The following MRPS18B variants were observed in gnomAD, a reference collection of about 807,000 sequenced individuals.
MRPS18B encodes the protein mitochondrial ribosomal protein S18B.
A neutral mutation model predicts 28.4 loss-of-function variants in MRPS18B; 27 were observed. That is an observed-to-expected ratio of 0.95 (90% CI 0.70 to 1.31). The LOEUF is 1.31. MRPS18B is among the 40% of genes most tolerant of loss of function. MRPS18B has a pLI of 0.00. For missense variants in MRPS18B, 343 were observed against 335.9 expected, an observed-to-expected ratio of 1.02 and a Z score of -0.17; for synonymous variants, 118 against 123.7, an observed-to-expected ratio of 0.95 and a Z score of 0.30.
At chr6:30,619,632 A>T in intron 2 of MRPS18B, 31 bp downstream of exon 2, 1 of 1,609,326 alleles carries the variant, frequency 6.2e-7, no homozygotes, top group Non-Finnish European at 8.5e-7. Context: ...GGAGGGTCAG[A>T]TAGGATTTGA....
chr6:30,620,004 T>G lies in MRPS18B; in HGVS notation c.354+15T>G, dbSNP rs200000769. The G allele has an allele frequency of 1.7e-5, 27 of 1,612,410 alleles. No homozygotes were observed. The highest frequency in any genetic ancestry group is 3.3e-4 in the Middle Eastern group (2 of 6,056). On this transcript the variant is annotated intron_variant, in intron 4 of 6. Coordinates refer to ENST00000259873, the MANE Select transcript of MRPS18B (RefSeq NM_014046.4). ...TTGACTTTAGGGTAAGGAGAGTCTT[T>G]TCTTTTTAGGGTAAGAAAAATAAAG...
rs1761041698 is a variant in MRPS18B at position 30,619,926 on chromosome 6, G to T, written c.291G>T (p.Arg97=). ...PQRTRKTCIR[R]NKVVGNPCPI... ...TGTTTTTTTTCTCTCTACAGCGTCG[G>T]AATAAAGTTGTTGGGAATCCCTGCC... Residue 97 remains arginine, a synonymous_variant, in exon 4 of 7, where the codon CGG becomes CGT. Coordinates refer to ENST00000259873, the MANE Select transcript of MRPS18B (RefSeq NM_014046.4). 1 of 1,614,178 alleles carries T rather than the reference G, an allele frequency of 6.2e-7. No homozygotes were observed. The highest frequency in any genetic ancestry group is 8.5e-7 in the Non-Finnish European group (1 of 1,180,024).
At position 30,624,867 on chromosome 6, in the gene MRPS18B, AT is replaced by A; in HGVS notation, c.422-11del. Reference sequence around the variant, plus strand: ...TTTACTGTGCCTTAAAGAACAAGATATTTTTCTCCCCACAGGAGTCTGTGTG... The same window carrying A: ...TTTACTGTGCCTTAAAGAACAAGATATTTTCTCCCCACAGGAGTCTGTGTG... On this transcript the variant is annotated splice_polypyrimidine_tract_variant and intron_variant, in intron 5 of 6. Transcript: ENST00000259873. 1 of 1,612,212 alleles carries A rather than the reference AT, an allele frequency of 6.2e-7. No individual in the cohort carries two copies.
intron 4 of MRPS18B, among the ~76,000 whole-genome samples, chr6:30,620,638 C>T (rs1333260203): frequency 1.3e-5 from 2 of 151,884 alleles, no homozygotes; most frequent in South Asian, 4.2e-4. Context: ...GGCGTGATCT[C>T]AGCTCACTGC....
Position 30,619,271 on chromosome 6 carries a change from C to T in MRPS18B, c.79-222C>T, listed in dbSNP as rs950107793. 8.5e-5 allele frequency among the ~76,000 whole-genome samples: 13 copies of T among 152,216 alleles called. No individual in the cohort carries two copies. The South Asian group carries it at 1.0e-3, about 12-fold the overall frequency. On this transcript the variant is annotated intron_variant, in intron 1 of 6. Coordinates refer to ENST00000259873, the MANE Select transcript of MRPS18B (RefSeq NM_014046.4). ...ATAAGATTGTTTTTTAGGCATATAT[C>T]CCCTAACTTAGCTTTTCTTTCAGGA...
At position 30,625,491 on chromosome 6, in the gene MRPS18B, TAATCCC is replaced by T; in HGVS notation, c.482-10_482-5del. On this transcript the variant is annotated splice_region_variant and splice_polypyrimidine_tract_variant and intron_variant, in intron 6 of 6. Transcript: ENST00000259873. ...TGCCTCTTAAATTTCTTTTCTTTTT[TAATCCC>T]TTAGGTCTCCTCATTTACCACATCC... 6.6e-7 allele frequency: 1 copy of T among 1,517,964 alleles called. No homozygotes were observed. The highest frequency in any genetic ancestry group is 2.2e-5 in the Admixed American group (1 of 45,320). The allele number at this position is 1,517,964 out of a possible 1,614,324, so 94.0% of individuals were successfully genotyped here.
At chr6:30,622,750 G>T (rs1049641137) in intron 4 of MRPS18B, 82 bp from the exon 5 acceptor site, 6 of 1,319,770 alleles carry the variant, frequency 4.5e-6, no homozygotes, top group African/African-American at 4.3e-5. Flanking sequence ...GGTGTGTAGG[G>T]ATTGTGTACT....
intron 4 of MRPS18B, 162 bp downstream of exon 4, chr6:30,620,151 A>C: frequency 1.5e-6 from 1 of 660,046 alleles, no homozygotes; most frequent in Admixed American, 2.8e-5. Context: ...CCCCGTCTCT[A>C]CTAAAAATAC....
Position 30,626,056 on chromosome 6 carries a change from A to C in MRPS18B, c.*259A>C, listed in dbSNP as rs1358116421. ...GGAGGTTGCAGTGAGTTGCAGTCAC[A>C]CCCCTGCACTCCAGCCTGGGTGACA... On this transcript the variant is annotated 3_prime_UTR_variant, in exon 7 of 7. Coordinates refer to ENST00000259873, the MANE Select transcript of MRPS18B (RefSeq NM_014046.4). 9.4e-6 allele frequency: 4 copies of C among 426,074 alleles called. No individual in the cohort carries two copies. The highest frequency in any genetic ancestry group is 3.7e-5 in the East Asian group (1 of 27,140). 26.4% of individuals were successfully genotyped at this position (426,074 alleles called of 1,614,324 possible).
At chr6:30,618,240 A>G (rs1300394459) in intron 1 of MRPS18B, among the ~76,000 whole-genome samples, 1 of 152,148 alleles carries the variant, frequency 6.6e-6, no homozygotes, top group Non-Finnish European at 1.5e-5. Flanking sequence ...TTTAAAAATT[A>G]TTTAACTAAT....
rs779441682 is a variant in MRPS18B at position 30,619,740 on chromosome 6, C to G, written c.219C>G (p.Val73=). 1 of 1,614,204 alleles carries G rather than the reference C, an allele frequency of 6.2e-7. No homozygotes were observed. The highest frequency in any genetic ancestry group is 8.5e-7 in the Non-Finnish European group (1 of 1,180,036). ...AGGAGCGATATGGTTCTCGCCCCGT[C>G]TGGGCTGACTACCGCCGCAACCACA... is the stretch of plus-strand genomic sequence containing the variant. ...EYQERYGSRP[V]WADYRRNHKG... The change falls in exon 3 of 7, where the codon GTC becomes GTG. Residue 73 remains valine (V), a synonymous_variant. Transcript: ENST00000259873.
At position 30,619,754 on chromosome 6, in the gene MRPS18B, G is replaced by A. The variant is rs773331444; in HGVS notation, c.233G>A (p.Arg78His). 9 of 1,614,060 alleles carry A rather than the reference G, an allele frequency of 5.6e-6. No homozygotes were observed. Among genetic ancestry groups the A allele is most frequent in the African/African-American group, 5.3e-5 (4 of 74,930 alleles). The change falls in exon 3 of 7, where the codon CGC (arginine) becomes CAC (histidine). Residue 78 changes from arginine (R) to histidine (H), a missense_variant. By Grantham distance (29) the Arg-to-His change is conservative. Coordinates refer to ENST00000259873, the MANE Select transcript of MRPS18B (RefSeq NM_014046.4). ...TCTCGCCCCGTCTGGGCTGACTACC[G>A]CCGCAACCACAAGGGTGGTGTACCC... Reference protein sequence around the residue: ...YGSRPVWADYRRNHKGGVPPQ... With the variant: ...YGSRPVWADYHRNHKGGVPPQ...
Position 30,625,757 on chromosome 6 carries a change from C to T in MRPS18B, c.737C>T (p.Ala246Val). ...PKMPPRTPAEASSTGQTGPQS... is the reference protein window; with the variant it reads ...PKMPPRTPAEVSSTGQTGPQS... ...ATGCCCCCTAGAACACCAGCGGAAG[C>T]CTCCTCCACTGGGCAGACAGGCCCT... is the stretch of plus-strand genomic sequence containing the variant. Residue 246 changes from alanine (A) to valine (V), a missense_variant, in exon 7 of 7, where the codon GCC (alanine) becomes GTC (valine). Physicochemically the swap from Ala to Val is moderately conservative, Grantham distance 64. Transcript: ENST00000259873. The T allele has an allele frequency of 6.2e-7, 1 of 1,612,892 alleles. No homozygotes were observed. Among genetic ancestry groups the T allele is most frequent in the South Asian group, 1.1e-5 (1 of 91,082 alleles).
At chr6:30,623,476 A>G (rs889196758) in intron 5 of MRPS18B, among the ~76,000 whole-genome samples, 1 of 152,238 alleles carries the variant, frequency 6.6e-6, no homozygotes, top group Non-Finnish European at 1.5e-5. Flanking sequence ...AAATTGTCAC[A>G]TAAGTTATTT....
chr6:30,621,982 A>G (rs1042862277), intron 4 of MRPS18B, among the ~76,000 whole-genome samples: 2 of 152,026 alleles, frequency 1.3e-5, no homozygotes, highest in Non-Finnish European at 2.9e-5. Context: ...AATTAATTAC[A>G]TAACTGAGAG....
rs371526521 is a variant in MRPS18B, at chr6:30,622,918, A to G, written c.421+20A>G. ...ACACAGGTTAGCCCATCATCCCTGC[A>G]CCACCAGAGAGCTTTTCCTTGTGGC... On this transcript the variant is annotated intron_variant, in intron 5 of 6. Coordinates refer to ENST00000259873, the MANE Select transcript of MRPS18B (RefSeq NM_014046.4). 20 of 1,609,872 alleles carry G rather than the reference A, an allele frequency of 1.2e-5. No homozygotes were observed. The highest frequency in any genetic ancestry group is 1.4e-5 in the Non-Finnish European group (17 of 1,177,298).
At chr6:30,624,050 C>T (rs149334962) in intron 5 of MRPS18B, among the ~76,000 whole-genome samples, 3 of 148,416 alleles carry the variant, frequency 2.0e-5, no homozygotes, top group African/African-American at 7.5e-5. Context: ...CATGAGCCAC[C>T]GTGCCCGGCA....
intron 1 of MRPS18B, among the ~76,000 whole-genome samples, chr6:30,618,263 C>T (rs1196959778): frequency 6.6e-6 from 1 of 152,146 alleles, no homozygotes; most frequent in Non-Finnish European, 1.5e-5. Context: ...AGGGGCCATG[C>T]TAATCTCTGT....
At chr6:30,622,712 C>A in intron 4 of MRPS18B, 120 bp from the exon 5 acceptor site, 2 of 853,470 alleles carry the variant, frequency 2.3e-6, no homozygotes, top group Non-Finnish European at 3.9e-6. Flanking sequence ...ATCTGGAGAG[C>A]TGTAGAGGGG....
Sources: allele counts gnomAD v4.1 joint callset (sites outside exome capture counted in the v4.1 genomes callset), GRCh38; gene constraint gnomAD v4.1.1; transcripts MANE v1.5; gene names NCBI Gene and HGNC (gene_info 2026-07-23, HGNC 2026-07-21).